CCDC6: variants seen among roughly 807,000 people sequenced by gnomAD.
The protein encoded by CCDC6 is coiled-coil domain-containing protein 6.
Under a neutral mutation model 56.6 loss-of-function variants are expected in CCDC6, and 20 were observed. The observed-to-expected ratio is 0.35, with a 90% CI of 0.25 to 0.51. CCDC6 has a LOEUF of 0.51. Among genes scored for constraint, CCDC6 ranks in the 20% least tolerant of loss-of-function variants. The pLI, the probability that CCDC6 is intolerant of heterozygous loss-of-function variation, is 0.95. For synonymous variants in CCDC6, 241 were observed against 234.4 expected, an observed-to-expected ratio of 1.03 and a Z score of -0.26; for missense variants, 367 against 601.1, an observed-to-expected ratio of 0.61 and a Z score of 4.07.
chr10:59,826,831 T>G (rs2070792257), intron 3 of CCDC6, among the ~76,000 whole-genome samples: 1 of 152,120 alleles, frequency 6.6e-6, no homozygotes, highest in Non-Finnish European at 1.5e-5. Flanking sequence ...GGAAAATGGG[T>G]AGGGCAAAGG....
At chr10:59,879,387 A>G (rs184004739) in intron 1 of CCDC6, among the ~76,000 whole-genome samples, 2 of 152,346 alleles carry the variant, frequency 1.3e-5, no homozygotes, top group East Asian at 1.9e-4. Flanking sequence ...TGAGAAACAA[A>G]TAAGTATCCA....
chr10:59,800,005 C>G (rs1245810111), intron 7 of CCDC6, among the ~76,000 whole-genome samples: 1 of 152,208 alleles, frequency 6.6e-6, no homozygotes, highest in African/African-American at 2.4e-5. Context: ...GCTCTCTAAG[C>G]TGGTCGCTCT....
rs981789068 is a variant in CCDC6, at chr10:59,792,066, T to C, written c.*851A>G. The C allele has an allele frequency of 1.3e-5, 3 of 227,616 alleles. No homozygotes were observed. The highest frequency in any genetic ancestry group is 6.7e-5 in the African/African-American group (3 of 45,024). 14.1% of individuals were successfully genotyped at this position (227,616 alleles called of 1,614,324 possible). A position where few individuals can be genotyped will look rare whatever the true frequency, so the allele number is the denominator to read the frequency against. The stretch of plus-strand genomic sequence containing the variant: ...TGAAGTACGAAAGGGGGAAGCCGCA[T>C]TGTTTTTGTTACAATCACACTGCCT... On this transcript the variant is annotated 3_prime_UTR_variant, in exon 9 of 9. Coordinates refer to ENST00000263102, the MANE Select transcript of CCDC6 (RefSeq NM_005436.5).
chr10:59,896,146 T>A (rs2071461241), intron 1 of CCDC6, among the ~76,000 whole-genome samples: 1 of 152,224 alleles, frequency 6.6e-6, no homozygotes. Flanking sequence ...CCTTTCCCTG[T>A]AATAAACTGT....
intron 1 of CCDC6, among the ~76,000 whole-genome samples, chr10:59,896,420 A>G (rs1467630773): frequency 6.6e-6 from 1 of 152,206 alleles, no homozygotes. Flanking sequence ...GGGCTAGGGC[A>G]CTGCACATTT....
chr10:59,840,065 C>T lies in CCDC6; in HGVS notation c.454-7412G>A, dbSNP rs185457952. On this transcript the variant is annotated intron_variant, in intron 2 of 8. Transcript: ENST00000263102. ...GGTCTCAATCTCCTGACCTCGTGATCCCCCCACCTCGGCCTCCCAAAGTGC... is the reference window on the plus strand; with the variant it reads ...GGTCTCAATCTCCTGACCTCGTGATTCCCCCACCTCGGCCTCCCAAAGTGC... Among the ~76,000 whole-genome samples the T allele has an allele frequency of 3.9e-4, 60 of 152,200 alleles. No homozygotes were observed. In the East Asian group the frequency reaches 9.1e-3, roughly 23 times the overall value.
intron 1 of CCDC6, among the ~76,000 whole-genome samples, chr10:59,890,713 TTTTA>T (rs957619435): frequency 7.9e-5 from 12 of 152,038 alleles, no homozygotes; most frequent in Admixed American, 6.5e-5. Context: ...TTTTTTTCTT[TTTTA>T]TTTATTTATT....
At chr10:59,836,083 G>A (rs983752830) in intron 2 of CCDC6, among the ~76,000 whole-genome samples, 2 of 143,888 alleles carry the variant, frequency 1.4e-5, no homozygotes, top group African/African-American at 5.2e-5. Context: ...AAGCTTGCTT[G>A]AGAGAAGCAC....
chr10:59,858,462 T>C (rs1337305489), intron 1 of CCDC6, among the ~76,000 whole-genome samples: 2 of 152,230 alleles, frequency 1.3e-5, no homozygotes, highest in African/African-American at 4.8e-5. Flanking sequence ...CCTAGGTCAT[T>C]GTTACAGGAC....
chr10:59,817,380 A>T (rs1012389961), intron 3 of CCDC6, among the ~76,000 whole-genome samples: 1 of 152,004 alleles, frequency 6.6e-6, no homozygotes, highest in African/African-American at 2.4e-5. Context: ...AGTTCTTGCT[A>T]CGTTGCCCAG....
chr10:59,875,836 G>T (rs540838508), intron 1 of CCDC6, among the ~76,000 whole-genome samples: 2 of 152,038 alleles, frequency 1.3e-5, no homozygotes, highest in Non-Finnish European at 2.9e-5. Context: ...GTAAACTAAC[G>T]AAGACAAAAG....
chr10:59,822,731 G>T (rs555201493), intron 3 of CCDC6, among the ~76,000 whole-genome samples: 1 of 152,118 alleles, frequency 6.6e-6, no homozygotes, highest in African/African-American at 2.4e-5. Flanking sequence ...GGACAGGGGG[G>T]CAGAGAAATT....
chr10:59,858,942 C>A (rs1440881092), intron 1 of CCDC6, among the ~76,000 whole-genome samples: 1 of 152,138 alleles, frequency 6.6e-6, no homozygotes, highest in African/African-American at 2.4e-5. Flanking sequence ...GGTCGCTGTG[C>A]CTTTGTCCAG....
chr10:59,797,228 C>T (rs10761414), intron 7 of CCDC6, among the ~76,000 whole-genome samples: 74,188 of 151,794 alleles, frequency 0.49, 19,097 homozygotes, highest in African/African-American at 0.66. Context: ...AGTAGAATGG[C>T]GGTGAACTGC....
chr10:59,869,632 C>T (rs1589055904), intron 1 of CCDC6, among the ~76,000 whole-genome samples: 1 of 151,968 alleles, frequency 6.6e-6, no homozygotes, highest in Non-Finnish European at 1.5e-5. Flanking sequence ...TTACAACAGC[C>T]GCCTACCTGG....
chr10:59,841,368 T>C (rs911640492), intron 2 of CCDC6, among the ~76,000 whole-genome samples: 2 of 152,238 alleles, frequency 1.3e-5, no homozygotes, highest in Non-Finnish European at 2.9e-5. Flanking sequence ...TACAGTGTTC[T>C]ATATCTTTCC....
chr10:59,887,459 C>T (rs1245144409), intron 1 of CCDC6, among the ~76,000 whole-genome samples: 1 of 144,744 alleles, frequency 6.9e-6, no homozygotes, highest in African/African-American at 2.6e-5. Flanking sequence ...GATACCCACA[C>T]AATGGCTTAC....
chr10:59,835,298 T>C (rs987431619), intron 2 of CCDC6, among the ~76,000 whole-genome samples: 5 of 152,234 alleles, frequency 3.3e-5, no homozygotes, highest in Non-Finnish European at 7.3e-5. Context: ...CATAGAATGT[T>C]GTAACATCTG....
intron 2 of CCDC6, among the ~76,000 whole-genome samples, chr10:59,833,775 C>T (rs2070855182): frequency 6.6e-6 from 1 of 152,038 alleles, no homozygotes; most frequent in Non-Finnish European, 1.5e-5. Context: ...ACACTGCTCC[C>T]TAATTTTATG....
Sources: allele counts gnomAD v4.1 joint callset (sites outside exome capture counted in the v4.1 genomes callset), GRCh38; gene constraint gnomAD v4.1.1; transcripts MANE v1.5; gene names NCBI Gene and HGNC (gene_info 2026-07-23, HGNC 2026-07-21).